The following MANBA variants were observed in gnomAD, a reference collection of about 807,000 sequenced individuals.
The protein encoded by MANBA is mannosidase beta.
Under a neutral mutation model 111.1 loss-of-function variants are expected in MANBA, and 83 were observed. The ratio of observed to expected loss-of-function variants is 0.75; its 90% CI spans 0.63 to 0.90. MANBA has a LOEUF of 0.90. Among genes scored for constraint, MANBA ranks in the 40% least tolerant of loss-of-function variants. MANBA has a pLI of 0.00. For synonymous variants in MANBA, 370 were observed against 378.7 expected (o/e 0.98, Z 0.27); for missense variants, 1,036 against 1,069.0 (o/e 0.97, Z 0.43).
intron 1 of MANBA, among the ~76,000 whole-genome samples, chr4:102,744,155 G>A (rs1045044053): frequency 6.6e-6 from 1 of 152,140 alleles, no homozygotes; most frequent in African/African-American, 2.4e-5. Flanking sequence ...AATCCAAATA[G>A]GCCCACAGGA....
At chr4:102,643,824 C>A (rs994382070) in intron 13 of MANBA, among the ~76,000 whole-genome samples, 1 of 151,966 alleles carries the variant, frequency 6.6e-6, no homozygotes, top group African/African-American at 2.4e-5. Flanking sequence ...TAAATTTTTT[C>A]TTTCATTCTG....
intron 7 of MANBA, among the ~76,000 whole-genome samples, chr4:102,684,037 T>C (rs1732098634): frequency 6.6e-6 from 1 of 152,018 alleles, no homozygotes; most frequent in Non-Finnish European, 1.5e-5. Flanking sequence ...ATGGGCTGCA[T>C]TCAAAATCTG....
chr4:102,719,775 A>G (rs1207967745), intron 4 of MANBA, among the ~76,000 whole-genome samples: 1 of 152,240 alleles, frequency 6.6e-6, no homozygotes, highest in African/African-American at 2.4e-5. Flanking sequence ...CTATGTTCAC[A>G]AAGCCAGAAT....
chr4:102,728,381 G>T, intron 1 of MANBA: 2 of 519,204 alleles, frequency 3.9e-6, no homozygotes. Context: ...TTGAATCTTA[G>T]CCAGGCTGTT....
At chr4:102,734,569 C>A in intron 1 of MANBA, 1 of 1,607,810 alleles carries the variant, frequency 6.2e-7, no homozygotes, top group Non-Finnish European at 8.5e-7. Context: ...GCTACTGTTC[C>A]TTCTGTGAAC....
chr4:102,698,809 C>A (rs1439298714), intron 5 of MANBA, among the ~76,000 whole-genome samples: 4 of 150,996 alleles, frequency 2.6e-5, no homozygotes, highest in Middle Eastern at 3.2e-3. Context: ...CAGCTTTGTT[C>A]TTTTGGCTTA....
intron 1 of MANBA, among the ~76,000 whole-genome samples, chr4:102,740,517 G>C (rs950599180): frequency 6.6e-6 from 1 of 152,098 alleles, no homozygotes; most frequent in Admixed American, 6.6e-5. Context: ...AACAAATCCT[G>C]AGATATCACA....
chr4:102,742,180 G>T (rs1222921518), intron 1 of MANBA, among the ~76,000 whole-genome samples: 1 of 152,150 alleles, frequency 6.6e-6, no homozygotes, highest in Non-Finnish European at 1.5e-5. Context: ...CTTAAACTTA[G>T]GAGGAGCCCG....
At chr4:102,727,824 GA>G in intron 1 of MANBA, 3 of 628,624 alleles carry the variant, frequency 4.8e-6, no homozygotes, top group Non-Finnish European at 2.9e-6. Flanking sequence ...AATACTTCCG[GA>G]AAAGGATTTT....
chr4:102,632,139 A>G lies in MANBA; in HGVS notation c.2558T>C (p.Ile853Thr), dbSNP rs780428987. 6.2e-7 allele frequency: 1 copy of G among 1,613,578 alleles called. No homozygotes were observed. Among genetic ancestry groups the G allele is most frequent in the Non-Finnish European group, 8.5e-7 (1 of 1,179,534 alleles). ...GFLMTEKTRT[I>T]LFYPWEPTSK... Reference sequence around the variant, plus strand: ...GGTGGGCTCCCAAGGGTAAAATAATATAGTTCGTGTCTTCTCAGTCATGAG... The same window carrying G: ...GGTGGGCTCCCAAGGGTAAAATAATGTAGTTCGTGTCTTCTCAGTCATGAG... Residue 853 changes from isoleucine to threonine, a missense_variant, in exon 17 of 17, where the codon ATA (isoleucine) becomes ACA (threonine). Coordinates refer to ENST00000647097, the MANE Select transcript of MANBA (RefSeq NM_005908.4).
At position 102,631,877 on chromosome 4, in the gene MANBA, T is replaced by G. The variant is rs1578852453; in HGVS notation, c.*180A>C. 1 of 664,116 alleles carries G rather than the reference T, an allele frequency of 1.5e-6. No individual in the cohort carries two copies. The allele number at this position is 664,116 out of a possible 1,614,324, so 41.1% of individuals were successfully genotyped here. On this transcript the variant is annotated 3_prime_UTR_variant, in exon 17 of 17. Transcript: ENST00000647097. Reference sequence around the variant, plus strand: ...GGCTTGTTTGAGGACATTGCCTGGGTAAACAGCCTCCCCTGAAAGTGTTCA... The same window carrying G: ...GGCTTGTTTGAGGACATTGCCTGGGGAAACAGCCTCCCCTGAAAGTGTTCA...
intron 11 of MANBA, among the ~76,000 whole-genome samples, chr4:102,664,412 G>C (rs866137922): frequency 1.3e-5 from 2 of 151,318 alleles, no homozygotes; most frequent in African/African-American, 2.4e-5. Flanking sequence ...GCAGTGGCGC[G>C]ATCTCGGCTC....
chr4:102,632,105 A>T lies in MANBA; in HGVS notation c.2592T>A (p.Asn864Lys). The T allele has an allele frequency of 6.2e-7, 1 of 1,612,632 alleles. No individual in the cohort carries two copies. The highest frequency in any genetic ancestry group is 8.5e-7 in the Non-Finnish European group (1 of 1,179,286). ...TCACATGAAAAGATTGCTCCAACTC[A>T]TTCTTGCTGGTGGGCTCCCAAGGGT... is the stretch of plus-strand genomic sequence containing the variant. ...LFYPWEPTSK[N>K]ELEQSFHVTS... Residue 864 changes from asparagine (N) to lysine (K), a missense_variant, in exon 17 of 17, where the codon AAT becomes AAA. Transcript: ENST00000647097.
chr4:102,722,559 A>T, intron 4 of MANBA: 1 of 342,348 alleles, frequency 2.9e-6, no homozygotes, highest in Non-Finnish European at 5.6e-6. Context: ...CAATCTGGTG[A>T]AAAGTTTGAT....
intron 1 of MANBA, chr4:102,730,134 G>T: frequency 8.3e-7 from 1 of 1,209,408 alleles, no homozygotes; most frequent in Non-Finnish European, 1.1e-6. Flanking sequence ...CCCAGAGGTG[G>T]ACACCTTGTA....
At position 102,669,022 on chromosome 4, in the gene MANBA, C is replaced by T; in HGVS notation, c.1258G>A (p.Ala420Thr). ...AAGCCCTGATCAGTTGGATAAAGGG[C>T]ACAGGCAAACATAAAATCCTGCCAT... is the stretch of plus-strand genomic sequence containing the variant. ...MVWQDFMFAC[A>T]LYPTDQGFLD... The change falls in exon 10 of 17, where the codon GCC (alanine) becomes ACC (threonine). Residue 420 changes from alanine (A) to threonine (T), a missense_variant. Physicochemically the swap from Ala to Thr is moderately conservative, Grantham distance 58. Coordinates refer to ENST00000647097, the MANE Select transcript of MANBA (RefSeq NM_005908.4). 1 of 1,613,426 alleles carries T rather than the reference C, an allele frequency of 6.2e-7. No homozygotes were observed. Among genetic ancestry groups the T allele is most frequent in the Non-Finnish European group, 8.5e-7 (1 of 1,179,664 alleles).
At chr4:102,672,164 T>C (rs371633687) in intron 8 of MANBA, 286 of 398,498 alleles carry the variant, frequency 7.2e-4, no homozygotes, top group African/African-American at 5.4e-3. Flanking sequence ...AATATACACA[T>C]TTTAAAGTAA....
intron 8 of MANBA, 42 bp downstream of exon 8, chr4:102,673,877 G>T (rs754356911): frequency 2.0e-5 from 31 of 1,559,560 alleles, no homozygotes; most frequent in Non-Finnish European, 2.7e-5. Flanking sequence ...TTGCGGGACT[G>T]CTAATTAAAA....
intron 7 of MANBA, among the ~76,000 whole-genome samples, chr4:102,675,391 G>T (rs1731680745): frequency 2.0e-5 from 3 of 152,146 alleles, no homozygotes; most frequent in Admixed American, 2.0e-4. Flanking sequence ...TGCGGCAGAG[G>T]TTTATGGTAT....
Sources: allele counts gnomAD v4.1 joint callset (sites outside exome capture counted in the v4.1 genomes callset), GRCh38; gene constraint gnomAD v4.1.1; transcripts MANE v1.5; gene names NCBI Gene and HGNC (gene_info 2026-07-23, HGNC 2026-07-21).